The following SLC35F4 variants were observed in gnomAD, a reference collection of about 807,000 sequenced individuals.
SLC35F4 encodes the protein chromosome 14 open reading frame 36.
SLC35F4 carries 24 observed loss-of-function variants against 44.2 expected under a neutral mutation model. The ratio of observed to expected loss-of-function variants is 0.54; its 90% CI spans 0.39 to 0.76. The LOEUF is 0.76. Ranked by LOEUF, SLC35F4 falls within the 30% of genes least tolerant of loss-of-function variation. SLC35F4 has a pLI of 0.00. For synonymous variants in SLC35F4, 238 were observed against 223.6 expected, an observed-to-expected ratio of 1.06 and a Z score of -0.57; for missense variants, 562 against 586.1, an observed-to-expected ratio of 0.96 and a Z score of 0.42.
chr14:57,927,645 C>A (rs1889607149), intron 1 of SLC35F4, among the ~76,000 whole-genome samples: 8 of 151,930 alleles, frequency 5.3e-5, no homozygotes, highest in Admixed American at 4.6e-4. Flanking sequence ...CACCTGCCAC[C>A]ACATCCAGCT....
chr14:57,909,721 TGAG>T (rs768751134), intron 1 of SLC35F4, among the ~76,000 whole-genome samples: 1 of 152,162 alleles, frequency 6.6e-6, no homozygotes, highest in Non-Finnish European at 1.5e-5. Context: ...CTTTGCCTAC[TGAG>T]GGATATGTTG....
At chr14:57,955,094 A>G (rs1239043575) in intron 1 of SLC35F4, among the ~76,000 whole-genome samples, 1 of 152,148 alleles carries the variant, frequency 6.6e-6, no homozygotes, top group Non-Finnish European at 1.5e-5. Context: ...CTTATCCACC[A>G]CGATCAAGCT....
At chr14:57,969,245 C>A (rs1034715254) in intron 1 of SLC35F4, among the ~76,000 whole-genome samples, 1 of 152,146 alleles carries the variant, frequency 6.6e-6, no homozygotes, top group Admixed American at 6.5e-5. Context: ...TTTACCACAA[C>A]CTTAGAAAAT....
rs201627437 is a variant in SLC35F4, at chr14:57,796,577, T to A, written c.103+69146A>T. 6.6e-5 allele frequency among the ~76,000 whole-genome samples: 10 copies of A among 152,302 alleles called. 1 individual carries two copies. The East Asian group carries it at 1.9e-3, about 29-fold the overall frequency. Reference sequence around the variant, plus strand: ...TATTAAAAGTCATAAATAAAAGCATTAAGAGCAGAGTAGGTAGTGAAAGGA... The same window carrying A: ...TATTAAAAGTCATAAATAAAAGCATAAAGAGCAGAGTAGGTAGTGAAAGGA... On this transcript the variant is annotated intron_variant, in intron 1 of 7. Transcript: ENST00000556826.
At chr14:57,932,128 G>A (rs937805732) in intron 1 of SLC35F4, among the ~76,000 whole-genome samples, 8 of 152,084 alleles carry the variant, frequency 5.3e-5, no homozygotes, top group Non-Finnish European at 7.4e-5. Flanking sequence ...CCAGTTTCCC[G>A]TCATATAACT....
intron 1 of SLC35F4, among the ~76,000 whole-genome samples, chr14:57,950,912 A>T (rs528951617): frequency 6.6e-6 from 1 of 151,900 alleles, no homozygotes; most frequent in Admixed American, 6.6e-5. Context: ...TGATCCACCC[A>T]CCTTGGCCTA....
chr14:57,700,782 G>A (rs2075517470), intron 1 of SLC35F4, among the ~76,000 whole-genome samples: 1 of 151,986 alleles, frequency 6.6e-6, no homozygotes, highest in Non-Finnish European at 1.5e-5. Flanking sequence ...GTGTACACCT[G>A]TAGTCCTAGC....
chr14:57,946,995 G>GT (rs919737740), intron 1 of SLC35F4, among the ~76,000 whole-genome samples: 8 of 152,002 alleles, frequency 5.3e-5, no homozygotes, highest in African/African-American at 1.4e-4. Context: ...TTTTAGAGTT[G>GT]TTTTTTTCTA....
At chr14:57,897,710 C>A (rs1256729287) in intron 1 of SLC35F4, among the ~76,000 whole-genome samples, 2 of 152,142 alleles carry the variant, frequency 1.3e-5, no homozygotes, top group African/African-American at 4.8e-5. Context: ...GAAATAATTT[C>A]TCAAATGGAA....
chr14:57,647,540 C>T (rs761355348), intron 1 of SLC35F4, among the ~76,000 whole-genome samples: 1 of 152,082 alleles, frequency 6.6e-6, no homozygotes, highest in African/African-American at 2.4e-5. Flanking sequence ...CATTACTGGA[C>T]AACTTCAACC....
At chr14:57,843,336 A>G (rs1885679438) in intron 1 of SLC35F4, among the ~76,000 whole-genome samples, 2 of 152,066 alleles carry the variant, frequency 1.3e-5, no homozygotes, top group South Asian at 4.2e-4. Flanking sequence ...TCCTGACTGA[A>G]TATTGTCATT....
At chr14:57,964,407 TAA>T (rs34459578) in intron 1 of SLC35F4, among the ~76,000 whole-genome samples, 2 of 150,614 alleles carry the variant, frequency 1.3e-5, no homozygotes, top group Non-Finnish European at 3.0e-5. Context: ...ACTCTAAATT[TAA>T]AAAAAAAATC....
intron 1 of SLC35F4, among the ~76,000 whole-genome samples, chr14:57,617,127 A>ATTT (rs1566688809): frequency 1.6e-5 from 1 of 64,094 alleles, no homozygotes; most frequent in Non-Finnish European, 3.7e-5. Context: ...AACTGTACTT[A>ATTT]TTCTTTTTTT....
intron 1 of SLC35F4, among the ~76,000 whole-genome samples, chr14:57,657,151 G>T (rs2073995183): frequency 6.6e-6 from 1 of 152,180 alleles, no homozygotes; most frequent in African/African-American, 2.4e-5. Flanking sequence ...CTTTCCCTGT[G>T]TCCAGGTCTT....
chr14:57,964,991 AATAT>A (rs1212108605), intron 1 of SLC35F4, among the ~76,000 whole-genome samples: 1 of 115,694 alleles, frequency 8.6e-6, no homozygotes, highest in African/African-American at 3.7e-5. Context: ...AAAAAAAAAA[AATAT>A]ATATATATAT....
chr14:57,733,160 T>C (rs1025469364), intron 1 of SLC35F4, among the ~76,000 whole-genome samples: 1 of 152,266 alleles, frequency 6.6e-6, no homozygotes, highest in South Asian at 2.1e-4. Context: ...TGCCATATTA[T>C]AGGTTTGTGT....
intron 1 of SLC35F4, among the ~76,000 whole-genome samples, chr14:57,704,536 T>G (rs2075622740): frequency 6.6e-6 from 1 of 152,052 alleles, no homozygotes; most frequent in African/African-American, 2.4e-5. Context: ...TACTGGACAC[T>G]CTGACAAGAT....
At position 57,954,525 on chromosome 14, in the gene SLC35F4, A is replaced by G. The variant is rs560441846; in HGVS notation, n.282+27388T>C. On this transcript the variant is annotated intron_variant and non_coding_transcript_variant, in intron 1 of 1. Coordinates refer to the SLC35F4 transcript ENST00000556568. ...AGATTAACAAAATAGATAGACCGCC[A>G]GCCAGACTAATAAAGAAGAAAAGAG... 4.8e-3 allele frequency among the ~76,000 whole-genome samples: 730 copies of G among 152,322 alleles called. 3 individuals carry two copies. The highest frequency in any genetic ancestry group is 5.5e-3 in the Non-Finnish European group (374 of 68,024).
chr14:57,757,977 T>C (rs1389065602), intron 1 of SLC35F4, among the ~76,000 whole-genome samples: 1 of 150,770 alleles, frequency 6.6e-6, no homozygotes, highest in African/African-American at 2.4e-5. Context: ...GAAATTTTTT[T>C]TCTGGGTATA....
Sources: allele counts gnomAD v4.1 joint callset (sites outside exome capture counted in the v4.1 genomes callset), GRCh38; gene constraint gnomAD v4.1.1; transcripts MANE v1.5; gene names NCBI Gene and HGNC (gene_info 2026-07-23, HGNC 2026-07-21).